ADAMTS6: variants seen among roughly 807,000 people sequenced by gnomAD.
ADAMTS6 encodes the protein A disintegrin and metalloproteinase with thrombospondin motifs 6.
ADAMTS6 carries 23 observed loss-of-function variants against 144.3 expected under a neutral mutation model. That is an observed-to-expected ratio of 0.16 (90% CI 0.11 to 0.23). ADAMTS6 has a LOEUF of 0.23. Ranked by LOEUF, ADAMTS6 falls within the 10% of genes least tolerant of loss-of-function variation. The probability of loss-of-function intolerance (pLI) is 1.00; values close to 1 mark genes in which losing one functional copy is unlikely to be tolerated. For synonymous variants in ADAMTS6, 444 were observed against 457.5 expected (o/e 0.97, Z 0.38); for missense variants, 999 against 1,379.6 (o/e 0.72, Z 4.37).
At chr5:65,301,263 C>T (rs1362752998) in intron 9 of ADAMTS6, among the ~76,000 whole-genome samples, 1 of 152,112 alleles carries the variant, frequency 6.6e-6, no homozygotes, top group African/African-American at 2.4e-5. Flanking sequence ...TACATTTTAA[C>T]GTTTCTTCAC....
chr5:65,457,424 A>G (rs763715967), intron 4 of ADAMTS6, among the ~76,000 whole-genome samples: 5 of 152,228 alleles, frequency 3.3e-5, no homozygotes, highest in Admixed American at 6.5e-5. Context: ...TGGTAAGAGA[A>G]TATCTTTCCC....
chr5:65,181,777 G>C (rs952828505), intron 22 of ADAMTS6, among the ~76,000 whole-genome samples: 1 of 152,198 alleles, frequency 6.6e-6, no homozygotes, highest in African/African-American at 2.4e-5. Context: ...CACATGCTAG[G>C]CAAAAACATA....
At chr5:65,407,015 T>C (rs1754576424) in intron 7 of ADAMTS6, among the ~76,000 whole-genome samples, 1 of 152,126 alleles carries the variant, frequency 6.6e-6, no homozygotes, top group Non-Finnish European at 1.5e-5. Flanking sequence ...CTGCTTGGTG[T>C]ACCTGAAAGT....
At chr5:65,317,889 C>T (rs58719270) in intron 9 of ADAMTS6, among the ~76,000 whole-genome samples, 17,709 of 151,486 alleles carry the variant, frequency 0.12, 1,094 homozygotes, top group African/African-American at 0.16. Flanking sequence ...CTGGCTAACA[C>T]GGTGAAACCC....
intron 22 of ADAMTS6, among the ~76,000 whole-genome samples, chr5:65,185,877 A>G (rs956260794): frequency 1.3e-5 from 2 of 152,252 alleles, no homozygotes; most frequent in Admixed American, 1.3e-4. Context: ...TTAAAAACAT[A>G]TAATGATACA....
At chr5:65,232,165 CAAATAA>C (rs1758301066) in intron 15 of ADAMTS6, among the ~76,000 whole-genome samples, 1 of 151,920 alleles carries the variant, frequency 6.6e-6, no homozygotes, top group Admixed American at 6.6e-5. Context: ...AACCTTATGA[CAAATAA>C]AAATAGAAAC....
In ADAMTS6 at chr5:65,313,407, T is replaced by C. The variant is rs539563617; in HGVS notation, c.1224-13276A>G. Among the ~76,000 whole-genome samples, 74 of 152,186 alleles carry C rather than the reference T, an allele frequency of 4.9e-4. 1 individual carries two copies. Among genetic ancestry groups the C allele is most frequent in the East Asian group, 7.7e-4 (4 of 5,196 alleles). Reference sequence around the variant, plus strand: ...TTATGTGAATGTCTACAGATGAAAATTTACATATATTGTATATATAATATG... The same window carrying C: ...TTATGTGAATGTCTACAGATGAAAACTTACATATATTGTATATATAATATG... On this transcript the variant is annotated intron_variant, in intron 9 of 24. Transcript: ENST00000381055.
chr5:65,467,941 G>T (rs1299226055), intron 3 of ADAMTS6, among the ~76,000 whole-genome samples: 1 of 152,002 alleles, frequency 6.6e-6, no homozygotes, highest in Non-Finnish European at 1.5e-5. Flanking sequence ...AAAGAAGAAT[G>T]GAATGTATTT....
intron 9 of ADAMTS6, among the ~76,000 whole-genome samples, chr5:65,313,366 T>C (rs4700672): frequency 0.57 from 86,778 of 151,866 alleles, 26,086 homozygotes; most frequent in African/African-American, 0.76. Context: ...TTAGCTACTA[T>C]GTGAATATGT....
At chr5:65,474,546 A>G (rs941696071) in intron 1 of ADAMTS6, among the ~76,000 whole-genome samples, 2 of 151,976 alleles carry the variant, frequency 1.3e-5, no homozygotes, top group African/African-American at 4.8e-5. Context: ...TTATAAGGCA[A>G]CTCGTGAGTC....
At position 65,226,101 on chromosome 5, in the gene ADAMTS6, G is replaced by A; in HGVS notation, c.2052C>T (p.Ile684=). Reference sequence around the variant, plus strand: ...TCTGAGCAACCTTGCATTCTCCATTGATGCAGATATCCAGTGAATCCGCAT... The same window carrying A: ...TCTGAGCAACCTTGCATTCTCCATTAATGCAGATATCCAGTGAATCCGCAT... ...QCNADSLDIC[I]NGECKHVGCD... Residue 684 remains isoleucine, a synonymous_variant, in exon 16 of 25, where the codon ATC becomes ATT. Transcript: ENST00000381055. The A allele has an allele frequency of 6.2e-7, 1 of 1,611,154 alleles. No homozygotes were observed. Among genetic ancestry groups the A allele is most frequent in the Non-Finnish European group, 8.5e-7 (1 of 1,178,320 alleles).
intron 7 of ADAMTS6, among the ~76,000 whole-genome samples, chr5:65,352,328 A>AT (rs1439460452): frequency 6.6e-6 from 1 of 152,204 alleles, no homozygotes; most frequent in East Asian, 1.9e-4. Context: ...AATAAAAAGA[A>AT]TGTCTCAAAT....
chr5:65,371,662 G>C (rs1750934693), intron 7 of ADAMTS6, among the ~76,000 whole-genome samples: 1 of 152,204 alleles, frequency 6.6e-6, no homozygotes, highest in Non-Finnish European at 1.5e-5. Flanking sequence ...ACCTGAAAGT[G>C]ACGAGGAGAA....
intron 7 of ADAMTS6, among the ~76,000 whole-genome samples, chr5:65,369,386 T>C (rs1211633661): frequency 6.6e-6 from 1 of 152,190 alleles, no homozygotes; most frequent in Admixed American, 6.5e-5. Context: ...TAAAAAGTTG[T>C]CTATTTGACC....
chr5:65,168,996 C>T (rs908526865), intron 24 of ADAMTS6, among the ~76,000 whole-genome samples: 8 of 136,116 alleles, frequency 5.9e-5, no homozygotes, highest in African/African-American at 2.2e-4. Context: ...ATGTCCAAAA[C>T]ACCAAAAGCA....
At chr5:65,437,325 A>T (rs1238291253) in intron 7 of ADAMTS6, among the ~76,000 whole-genome samples, 1 of 151,974 alleles carries the variant, frequency 6.6e-6, no homozygotes, top group African/African-American at 2.4e-5. Flanking sequence ...CGATATCCTG[A>T]CCTCGTGATC....
At position 65,338,639 on chromosome 5, in the gene ADAMTS6, C is replaced by A. The variant is rs1021884440; in HGVS notation, c.1074-4554G>T. Among the ~76,000 whole-genome samples, 7 of 152,228 alleles carry A rather than the reference C, an allele frequency of 4.6e-5. No homozygotes were observed. The South Asian group carries it at 1.5e-3, about 32-fold the overall frequency. On this transcript the variant is annotated intron_variant, in intron 7 of 24. Transcript: ENST00000381055. Reference sequence around the variant, plus strand: ...CCATGGGCTGCCCCTGAAAGACACACCCTCCCAGCCAGCCAAGCAGCTGTG... The same window carrying A: ...CCATGGGCTGCCCCTGAAAGACACAACCTCCCAGCCAGCCAAGCAGCTGTG...
chr5:65,236,431 G>A (rs1758674149), intron 15 of ADAMTS6, among the ~76,000 whole-genome samples: 2 of 152,028 alleles, frequency 1.3e-5, no homozygotes, highest in South Asian at 4.2e-4. Flanking sequence ...GAGACTACAG[G>A]CATGTGGTAC....
At chr5:65,335,959 A>G (rs567902071) in intron 7 of ADAMTS6, among the ~76,000 whole-genome samples, 1 of 152,232 alleles carries the variant, frequency 6.6e-6, no homozygotes, top group East Asian at 1.9e-4. Flanking sequence ...AAAGAAAAGT[A>G]AAAGCATTCC....
Sources: gnomAD v4.1 joint callset for allele counts (sites outside exome capture counted in the v4.1 genomes callset) on GRCh38, gnomAD v4.1.1 for gene constraint, MANE v1.5 for transcripts, NCBI Gene and HGNC (gene_info 2026-07-23, HGNC 2026-07-21) for gene names.